Variants in CLEC16A observed in about 807,000 individuals in gnomAD.
The protein encoded by CLEC16A is protein CLEC16A.
Under a neutral mutation model 109.5 loss-of-function variants are expected in CLEC16A, and 51 were observed. That is an observed-to-expected ratio of 0.47 (90% CI 0.37 to 0.59). The LOEUF is 0.59. CLEC16A is among the 20% of genes least tolerant of loss of function. The pLI is 0.00. For synonymous variants in CLEC16A, 673 were observed against 564.2 expected (o/e 1.19, Z -2.73); for missense variants, 1,339 against 1,394.0 (o/e 0.96, Z 0.63).
chr16:11,041,955 G>A, intron 14 of CLEC16A: 1 of 307,702 alleles, frequency 3.2e-6, no homozygotes, highest in Non-Finnish European at 6.1e-6. Context: ...AAGTGGGGGT[G>A]CAGGGCCACT....
intron 19 of CLEC16A, among the ~76,000 whole-genome samples, chr16:11,067,622 A>G (rs1042847348): frequency 2.6e-5 from 4 of 152,136 alleles, no homozygotes; most frequent in Non-Finnish European, 1.5e-5. Context: ...AAACAGTGAG[A>G]AAAGTTTTTA....
chr16:11,156,652 G>T, intron 22 of CLEC16A: 1 of 1,304,346 alleles, frequency 7.7e-7, no homozygotes, highest in East Asian at 5.5e-5. Context: ...ACAGACTGTT[G>T]TGGAGGTCTT....
At chr16:11,050,734 C>T (rs1202523413) in intron 17 of CLEC16A, among the ~76,000 whole-genome samples, 1 of 152,234 alleles carries the variant, frequency 6.6e-6, no homozygotes, top group African/African-American at 2.4e-5. Context: ...CTCCTCTGAG[C>T]TCAGTGTCCC....
intron 19 of CLEC16A, among the ~76,000 whole-genome samples, chr16:11,110,887 G>A (rs77218556): frequency 2.6e-5 from 4 of 152,222 alleles, no homozygotes; most frequent in African/African-American, 4.8e-5. Flanking sequence ...TCAAGTTGCC[G>A]TGATACTGCT....
At position 11,051,502 on chromosome 16, in the gene CLEC16A, G is replaced by GTC; in HGVS notation, c.1867-7_1867-6dup. On this transcript the variant is annotated splice_polypyrimidine_tract_variant and intron_variant, in intron 17 of 23. Coordinates refer to ENST00000409790, the MANE Select transcript of CLEC16A (RefSeq NM_015226.3). Reference sequence around the variant, plus strand: ...AATCTGCTTTGAGGTTTCCTGTAATGTCTCTTCTAGATGAAGCCCATGAAC... The same window carrying GTC: ...AATCTGCTTTGAGGTTTCCTGTAATGTCTCTCTTCTAGATGAAGCCCATGAAC... 1.2e-6 allele frequency: 2 copies of GTC among 1,609,862 alleles called. No individual in the cohort carries two copies. Among genetic ancestry groups the GTC allele is most frequent in the Non-Finnish European group, 1.7e-6 (2 of 1,176,376 alleles).
rs139200768 is a variant in CLEC16A, at chr16:11,074,338, T to C, written c.2116+13316T>C. Among the ~76,000 whole-genome samples the C allele has an allele frequency of 5.2e-3, 790 of 152,350 alleles. 30 individuals are homozygous for C. Among genetic ancestry groups the C allele is most frequent in the Admixed American group, 0.047 (723 of 15,304 alleles). ...TCCCTGTGTACTTGATGAATAATGT[T>C]GCTGGCCACTTTTCAGAAATGAAGT... On this transcript the variant is annotated intron_variant, in intron 19 of 23. Transcript: ENST00000409790.
chr16:10,997,399 C>G (rs2044393314), intron 10 of CLEC16A, among the ~76,000 whole-genome samples: 1 of 152,218 alleles, frequency 6.6e-6, no homozygotes, highest in Non-Finnish European at 1.5e-5. Flanking sequence ...GAAAACATTT[C>G]TGGTATTCCC....
chr16:11,052,813 C>A (rs1179095841), intron 18 of CLEC16A, among the ~76,000 whole-genome samples: 1 of 152,210 alleles, frequency 6.6e-6, no homozygotes, highest in African/African-American at 2.4e-5. Flanking sequence ...GGAGATCCCC[C>A]CGCACCCCTG....
intron 21 of CLEC16A, among the ~76,000 whole-genome samples, chr16:11,124,404 T>C (rs2052649651): frequency 6.6e-6 from 1 of 152,214 alleles, no homozygotes; most frequent in Admixed American, 6.5e-5. Flanking sequence ...CTTCCTACTG[T>C]AAACTTACCC....
intron 19 of CLEC16A, among the ~76,000 whole-genome samples, chr16:11,116,128 G>T (rs929581477): frequency 2.0e-5 from 3 of 152,078 alleles, no homozygotes; most frequent in African/African-American, 7.2e-5. Context: ...GGTAGCTCAT[G>T]CCTCTAATCC....
chr16:10,998,507 T>C (rs925137962), intron 10 of CLEC16A, among the ~76,000 whole-genome samples: 1 of 152,200 alleles, frequency 6.6e-6, no homozygotes, highest in Non-Finnish European at 1.5e-5. Context: ...TTGTGTACTT[T>C]CTTTATGAGA....
intron 19 of CLEC16A, among the ~76,000 whole-genome samples, chr16:11,087,478 T>A (rs2079565498): frequency 6.6e-6 from 1 of 152,252 alleles, no homozygotes; most frequent in African/African-American, 2.4e-5. Flanking sequence ...AAACTACTAC[T>A]TGTTTTTTTA....
intron 19 of CLEC16A, among the ~76,000 whole-genome samples, chr16:11,116,861 G>A (rs538136193): frequency 7.2e-5 from 11 of 152,336 alleles, no homozygotes; most frequent in African/African-American, 2.6e-4. Flanking sequence ...CAACTGGGAT[G>A]TGGTAATACA....
intron 3 of CLEC16A, among the ~76,000 whole-genome samples, chr16:10,964,290 C>T (rs1488847918): frequency 1.3e-5 from 2 of 152,222 alleles, no homozygotes; most frequent in African/African-American, 4.8e-5. Context: ...AATGGTTTCC[C>T]TTGTTACCAG....
At chr16:11,045,908 C>G (rs559579281) in intron 16 of CLEC16A, among the ~76,000 whole-genome samples, 1 of 152,174 alleles carries the variant, frequency 6.6e-6, no homozygotes, top group Non-Finnish European at 1.5e-5. Flanking sequence ...GGAGATCGAC[C>G]TTGCCAGGCT....
chr16:11,171,916 A>G (rs1459043298), intron 23 of CLEC16A, among the ~76,000 whole-genome samples: 1 of 151,798 alleles, frequency 6.6e-6, no homozygotes, highest in African/African-American at 2.4e-5. Flanking sequence ...AGTCACACAC[A>G]CCAGTACACA....
At chr16:11,104,810 A>G (rs1028367227) in intron 19 of CLEC16A, among the ~76,000 whole-genome samples, 3 of 152,222 alleles carry the variant, frequency 2.0e-5, no homozygotes, top group Admixed American at 2.0e-4. Flanking sequence ...CCTGTAGCCC[A>G]GTACCCGACA....
At chr16:11,093,246 C>A (rs1490582556) in intron 19 of CLEC16A, among the ~76,000 whole-genome samples, 2 of 152,226 alleles carry the variant, frequency 1.3e-5, no homozygotes, top group African/African-American at 4.8e-5. Flanking sequence ...CTGGAGTGGC[C>A]CTTCCCTGCC....
intron 22 of CLEC16A, among the ~76,000 whole-genome samples, chr16:11,144,314 G>A (rs1260255548): frequency 6.6e-6 from 1 of 152,194 alleles, no homozygotes; most frequent in African/African-American, 2.4e-5. Context: ...TGTTGCCAGG[G>A]GTGACGAGGC....
Sources: allele counts gnomAD v4.1 joint callset (sites outside exome capture counted in the v4.1 genomes callset), GRCh38; gene constraint gnomAD v4.1.1; transcripts MANE v1.5; gene names NCBI Gene and HGNC (gene_info 2026-07-23, HGNC 2026-07-21).